PLCB1: variants seen among roughly 807,000 people sequenced by gnomAD.
PLCB1 encodes the protein phospholipase C beta 1, also known as 1-phosphatidylinositol 4,5-bisphosphate phosphodiesterase beta-1.
A neutral mutation model predicts 161.8 loss-of-function variants in PLCB1; 46 were observed. That is an observed-to-expected ratio of 0.28 (90% CI 0.22 to 0.36). PLCB1 has a LOEUF of 0.36. Ranked by LOEUF, PLCB1 falls within the 10% of genes least tolerant of loss-of-function variation. The probability of loss-of-function intolerance (pLI) is 1.00; values close to 1 mark genes in which losing one functional copy is unlikely to be tolerated. For synonymous variants in PLCB1, 517 were observed against 503.7 expected (o/e 1.03, Z -0.35); for missense variants, 1,016 against 1,472.5 (o/e 0.69, Z 5.07).
intron 31 of PLCB1, among the ~76,000 whole-genome samples, chr20:8,824,241 A>G (rs16995289): frequency 0.036 from 5,497 of 152,234 alleles, 337 homozygotes; most frequent in African/African-American, 0.12. Context: ...ATCTGGCTGC[A>G]TGAATCAATG....
chr20:8,662,057 ATATT>A (rs1989655444), intron 9 of PLCB1, among the ~76,000 whole-genome samples: 1 of 12,404 alleles, frequency 8.1e-5, no homozygotes, highest in Non-Finnish European at 2.0e-4. Flanking sequence ...ATATAATTAT[ATATT>A]TATTATATTT....
chr20:8,784,248 A>G (rs1418479182), intron 27 of PLCB1, among the ~76,000 whole-genome samples: 1 of 152,112 alleles, frequency 6.6e-6, no homozygotes, highest in Admixed American at 6.6e-5. Flanking sequence ...GCAGAACTTC[A>G]GTAGGAGTGA....
intron 3 of PLCB1, among the ~76,000 whole-genome samples, chr20:8,503,126 G>C (rs1983492373): frequency 6.6e-6 from 1 of 152,154 alleles, no homozygotes; most frequent in African/African-American, 2.4e-5. Flanking sequence ...TTAGTTAATA[G>C]AAGGGAAGAC....
intron 2 of PLCB1, among the ~76,000 whole-genome samples, chr20:8,363,000 C>T (rs886376010): frequency 9.2e-5 from 14 of 152,116 alleles, no homozygotes; most frequent in African/African-American, 3.4e-4. Flanking sequence ...TTTCTGTTCC[C>T]AGTTACTATG....
At chr20:8,607,525 C>G (rs1022985056) in intron 3 of PLCB1, among the ~76,000 whole-genome samples, 2 of 152,198 alleles carry the variant, frequency 1.3e-5, no homozygotes, top group African/African-American at 4.8e-5. Context: ...CTGGAGCAAG[C>G]CAATCCGTTC....
chr20:8,776,606 T>C (rs568469176), intron 27 of PLCB1, among the ~76,000 whole-genome samples: 3 of 152,326 alleles, frequency 2.0e-5, no homozygotes, highest in Admixed American at 6.5e-5. Flanking sequence ...CAACCACCAC[T>C]AGAATCAATT....
At chr20:8,792,476 C>T (rs944268000) in intron 31 of PLCB1, 8 of 464,200 alleles carry the variant, frequency 1.7e-5, no homozygotes, top group African/African-American at 1.6e-4. Context: ...ACGTTACAGC[C>T]ATGTTTATAA....
intron 27 of PLCB1, among the ~76,000 whole-genome samples, chr20:8,787,800 C>A (rs545698443): frequency 2.6e-5 from 4 of 152,200 alleles, no homozygotes; most frequent in Admixed American, 6.5e-5. Flanking sequence ...TAAATACTTG[C>A]GTTCACAGTG....
intron 23 of PLCB1, among the ~76,000 whole-genome samples, chr20:8,743,175 G>C (rs543320317): frequency 1.3e-5 from 2 of 152,282 alleles, no homozygotes; most frequent in East Asian, 3.9e-4. Context: ...TTTGATACTA[G>C]CTGTTGAACT....
At chr20:8,269,584 TAAAG>T (rs1982169315) in intron 2 of PLCB1, among the ~76,000 whole-genome samples, 1 of 152,124 alleles carries the variant, frequency 6.6e-6, no homozygotes, top group South Asian at 2.1e-4. Flanking sequence ...CGTAAAGTAA[TAAAG>T]AAAACTGATT....
chr20:8,410,695 T>A (rs542227414), intron 3 of PLCB1, among the ~76,000 whole-genome samples: 2 of 152,296 alleles, frequency 1.3e-5, no homozygotes, highest in Non-Finnish European at 2.9e-5. Context: ...CAAAAAGATA[T>A]GTCCATGTCC....
intron 31 of PLCB1, among the ~76,000 whole-genome samples, chr20:8,798,849 A>G (rs11906514): frequency 0.21 from 32,194 of 152,184 alleles, 3,570 homozygotes; most frequent in Middle Eastern, 0.31. Context: ...CAGTTGGCAC[A>G]ATAAGAAGCA....
intron 3 of PLCB1, among the ~76,000 whole-genome samples, chr20:8,510,597 G>A (rs921699809): frequency 6.6e-6 from 1 of 151,882 alleles, no homozygotes; most frequent in African/African-American, 2.4e-5. Context: ...CGCCATGTTG[G>A]CCAGGCTGGT....
intron 26 of PLCB1, among the ~76,000 whole-genome samples, chr20:8,767,334 C>G (rs1568591070): frequency 6.6e-6 from 1 of 152,124 alleles, no homozygotes; most frequent in Non-Finnish European, 1.5e-5. Context: ...GGGCCCTGGT[C>G]TATAATCATT....
At chr20:8,150,641 A>G (rs1336834364) in intron 2 of PLCB1, among the ~76,000 whole-genome samples, 1 of 152,166 alleles carries the variant, frequency 6.6e-6, no homozygotes, top group Non-Finnish European at 1.5e-5. Context: ...GGGAAATTTG[A>G]ATTACATTTG....
chr20:8,193,298 G>A (rs73895587), intron 2 of PLCB1, among the ~76,000 whole-genome samples: 4,911 of 151,906 alleles, frequency 0.032, 271 homozygotes, highest in African/African-American at 0.11. Context: ...ACTTCTGTAC[G>A]ATGCATAAAA....
chr20:8,381,654 T>C (rs1254669985), intron 3 of PLCB1, among the ~76,000 whole-genome samples: 1 of 152,242 alleles, frequency 6.6e-6, no homozygotes, highest in Non-Finnish European at 1.5e-5. Flanking sequence ...ATTTGACTTC[T>C]TCCTGGTTTA....
intron 3 of PLCB1, among the ~76,000 whole-genome samples, chr20:8,391,246 A>C (rs192127269): frequency 2.0e-5 from 3 of 152,122 alleles, no homozygotes; most frequent in South Asian, 2.1e-4. Context: ...TCTAACTTCT[A>C]TGTATTAGCT....
At chr20:8,736,406 T>C (rs1980587476) in intron 19 of PLCB1, among the ~76,000 whole-genome samples, 2 of 152,254 alleles carry the variant, frequency 1.3e-5, no homozygotes, top group African/African-American at 4.8e-5. Context: ...CTTATCTTGA[T>C]GGTTTAAAGT....
Sources: gnomAD v4.1 joint callset for allele counts (sites outside exome capture counted in the v4.1 genomes callset) on GRCh38, gnomAD v4.1.1 for gene constraint, MANE v1.5 for transcripts, NCBI Gene and HGNC (gene_info 2026-07-23, HGNC 2026-07-21) for gene names.